The following MUSK variants were observed in gnomAD, a reference collection of about 807,000 sequenced individuals.
The protein encoded by MUSK is muscle, skeletal receptor tyrosine-protein kinase.
Under a neutral mutation model 88.7 loss-of-function variants are expected in MUSK, and 55 were observed. The observed-to-expected ratio is 0.62, with a 90% CI of 0.50 to 0.78. MUSK has a LOEUF of 0.78. Ranked by LOEUF, MUSK falls within the 30% of genes least tolerant of loss-of-function variation. The pLI, the probability that MUSK is intolerant of heterozygous loss-of-function variation, is 0.00. For missense variants in MUSK, 1,015 were observed against 1,074.3 expected (o/e 0.94, Z 0.77); for synonymous variants, 387 against 391.9 (o/e 0.99, Z 0.15).
intron 5 of MUSK, among the ~76,000 whole-genome samples, chr9:110,703,283 T>C (rs2076554832): frequency 6.6e-6 from 1 of 152,156 alleles, no homozygotes; most frequent in Non-Finnish European, 1.5e-5. Flanking sequence ...ACGCCTGTAA[T>C]CCCAGAACTT....
chr9:110,687,308 A>G (rs1363787874), intron 3 of MUSK, 40 bp downstream of exon 3: 1 of 1,607,942 alleles, frequency 6.2e-7, no homozygotes. Context: ...TTGAAAGTTG[A>G]CTTGGTACAC....
intron 1 of MUSK, among the ~76,000 whole-genome samples, chr9:110,676,461 G>C (rs1215598048): frequency 2.0e-5 from 3 of 151,536 alleles, no homozygotes; most frequent in East Asian, 1.9e-4. Context: ...AGGTAAACGT[G>C]TGCCATGGTG....
intron 7 of MUSK, among the ~76,000 whole-genome samples, chr9:110,755,967 T>TATATATATATACATATATATATATAC (rs2077314215): frequency 1.7e-5 from 1 of 58,810 alleles, no homozygotes; most frequent in East Asian, 5.3e-4. Context: ...TATATATACA[T>TATATATATATACATATATATATATAC]ATATATATAT....
intron 5 of MUSK, among the ~76,000 whole-genome samples, chr9:110,732,148 T>C (rs1392712669): frequency 6.6e-6 from 1 of 152,124 alleles, no homozygotes; most frequent in Admixed American, 6.6e-5. Context: ...CTAGCACATG[T>C]GAGGTTGAAA....
chr9:110,790,238 C>G (rs576791089), intron 14 of MUSK, among the ~76,000 whole-genome samples: 38 of 151,874 alleles, frequency 2.5e-4, no homozygotes, highest in Admixed American at 1.6e-3. Context: ...CTGGTAACCC[C>G]GAGAAGAGAG....
chr9:110,709,662 T>C (rs1186969257), intron 5 of MUSK, among the ~76,000 whole-genome samples: 1 of 152,182 alleles, frequency 6.6e-6, no homozygotes, highest in Non-Finnish European at 1.5e-5. Context: ...TGCAGACAAT[T>C]ATAGCTCCCT....
chr9:110,723,230 T>TACAC (rs1391888387), intron 5 of MUSK, among the ~76,000 whole-genome samples: 9 of 56,946 alleles, frequency 1.6e-4, no homozygotes, highest in African/African-American at 4.3e-4. Flanking sequence ...CTACTACATA[T>TACAC]ACATACACAC....
chr9:110,695,334 A>G, intron 3 of MUSK, 69 bp from the exon 4 acceptor site: 2 of 1,100,368 alleles, frequency 1.8e-6, no homozygotes, highest in Non-Finnish European at 2.5e-6. Flanking sequence ...AATTAAATTG[A>G]AAGTTAGAAA....
Position 110,709,645 on chromosome 9 carries a change from G to A in MUSK, c.628+12179G>A, listed in dbSNP as rs147588013. 8.1e-4 allele frequency among the ~76,000 whole-genome samples: 124 copies of A among 152,232 alleles called. 2 individuals are homozygous for A. Among genetic ancestry groups the A allele is most frequent in the African/African-American group, 2.9e-3 (120 of 41,546 alleles). ...CTGTGCAACAGAAGCAGTGATTTAC[G>A]CACTTGTGCAGACAATTATAGCTCC... is the stretch of plus-strand genomic sequence containing the variant. On this transcript the variant is annotated intron_variant, in intron 5 of 14. Coordinates refer to ENST00000374448, the MANE Select transcript of MUSK (RefSeq NM_005592.4).
At chr9:110,690,307 TATAA>T (rs1233984898) in intron 3 of MUSK, among the ~76,000 whole-genome samples, 1 of 103,920 alleles carries the variant, frequency 9.6e-6, no homozygotes, top group Non-Finnish European at 1.7e-5. Context: ...TATATTTAAG[TATAA>T]ATATAGAAAT....
In MUSK at chr9:110,789,169, T is replaced by C. The variant is rs149294630; in HGVS notation, c.1927+1331T>C. 2.6e-5 allele frequency among the ~76,000 whole-genome samples: 4 copies of C among 152,340 alleles called. No individual in the cohort carries two copies. The East Asian group carries it at 7.7e-4, about 29-fold the overall frequency. On this transcript the variant is annotated intron_variant, in intron 14 of 14. Transcript: ENST00000374448. ...TCTTCTCTGGCTGCTTTCTTGAGCA[T>C]TGCATGAAGGGAAGCAATGAAATCA...
chr9:110,765,143 A>T (rs2077460964), intron 8 of MUSK, among the ~76,000 whole-genome samples: 1 of 152,200 alleles, frequency 6.6e-6, no homozygotes, highest in South Asian at 2.1e-4. Flanking sequence ...TATTATTTTT[A>T]AAAATACTCA....
Position 110,801,797 on chromosome 9 carries a change from TTTC to T in MUSK, c.*818_*820del, listed in dbSNP as rs1230687045. On this transcript the variant is annotated 3_prime_UTR_variant, in exon 15 of 15. Transcript: ENST00000374448. ...ATCTTTTCCATTGCTTTAATCTTTA[TTTC>T]TTCTTCTTTCCAGGACTTCTGTCCT... is the stretch of plus-strand genomic sequence containing the variant. Among the ~76,000 whole-genome samples, 2 of 152,220 alleles carry T rather than the reference TTTC, an allele frequency of 1.3e-5. No individual in the cohort carries two copies. The highest frequency in any genetic ancestry group is 1.9e-4 in the East Asian group (1 of 5,202).
At chr9:110,755,921 C>CAT (rs1222491124) in intron 7 of MUSK, among the ~76,000 whole-genome samples, 27 of 107,964 alleles carry the variant, frequency 2.5e-4, no homozygotes, top group Middle Eastern at 5.1e-3. Context: ...TGCCCAGTGC[C>CAT]ATATATATAT....
intron 2 of MUSK, 118 bp from the exon 3 acceptor site, chr9:110,686,997 CAA>C: frequency 1.1e-6 from 1 of 913,126 alleles, no homozygotes; most frequent in East Asian, 2.5e-5. Context: ...AGAAGTCACT[CAA>C]GTTTCCTCTC....
At chr9:110,737,204 C>G (rs1268919575) in intron 6 of MUSK, among the ~76,000 whole-genome samples, 1 of 151,878 alleles carries the variant, frequency 6.6e-6, no homozygotes, top group Admixed American at 6.6e-5. Context: ...AGACAGAAAC[C>G]TACCATGGAT....
At chr9:110,721,093 G>A (rs1161919896) in intron 5 of MUSK, among the ~76,000 whole-genome samples, 1 of 151,814 alleles carries the variant, frequency 6.6e-6, no homozygotes, top group African/African-American at 2.4e-5. Flanking sequence ...CATACCTTAA[G>A]GTAATAAAAG....
chr9:110,734,094 G>C (rs2076998628), intron 5 of MUSK, among the ~76,000 whole-genome samples, 157 bp from the exon 6 acceptor site: 1 of 152,052 alleles, frequency 6.6e-6, no homozygotes, highest in Non-Finnish European at 1.5e-5. Context: ...AAAGGGCTTG[G>C]AGGCTCGGCC....
chr9:110,714,428 T>C (rs999730715), intron 5 of MUSK, among the ~76,000 whole-genome samples: 2 of 152,166 alleles, frequency 1.3e-5, no homozygotes, highest in African/African-American at 4.8e-5. Flanking sequence ...TATTTTGTCC[T>C]GGAGAAGAGA....
Sources: gnomAD v4.1 joint callset for allele counts (sites outside exome capture counted in the v4.1 genomes callset) on GRCh38, gnomAD v4.1.1 for gene constraint, MANE v1.5 for transcripts, NCBI Gene and HGNC (gene_info 2026-07-23, HGNC 2026-07-21) for gene names.